Variants in EFNA1 observed in about 807,000 individuals in gnomAD.
EFNA1 encodes ephrin A1.
EFNA1 carries 8 observed loss-of-function variants against 23.2 expected under a neutral mutation model. The observed-to-expected ratio is 0.34, with a 90% CI of 0.20 to 0.62. EFNA1 has a LOEUF of 0.62. Among genes scored for constraint, EFNA1 ranks in the 20% least tolerant of loss-of-function variants. The pLI, the probability that EFNA1 is intolerant of heterozygous loss-of-function variation, is 0.75. For synonymous variants in EFNA1, 89 were observed against 98.6 expected, an observed-to-expected ratio of 0.90 and a Z score of 0.58; for missense variants, 217 against 260.0, an observed-to-expected ratio of 0.83 and a Z score of 1.14.
chr1:155,130,422 G>C (rs1446773336), intron 1 of EFNA1: 1 of 815,062 alleles, frequency 1.2e-6, no homozygotes, highest in Admixed American at 6.2e-5. Flanking sequence ...GGTGGGGCCA[G>C]GGGGAATGAA....
In EFNA1 at chr1:155,134,258, C is replaced by T. The variant is rs1374093001; in HGVS notation, c.*191C>T. On this transcript the variant is annotated 3_prime_UTR_variant, in exon 5 of 5. Transcript: ENST00000368407. ...TCAACCGGAAGGAGGCCAACCAGCC[C>T]GACAGTGCCATCCCCACCTTCACCT... The T allele has an allele frequency of 2.8e-5, 17 of 605,662 alleles. No individual in the cohort carries two copies. The highest frequency in any genetic ancestry group is 4.1e-5 in the Non-Finnish European group (14 of 339,654). The allele number at this position is 605,662 out of a possible 1,614,324, so 37.5% of individuals were successfully genotyped here.
At chr1:155,130,585 G>A (rs1664219067) in intron 1 of EFNA1, 2 of 985,358 alleles carry the variant, frequency 2.0e-6, no homozygotes, top group Non-Finnish European at 2.4e-6. Flanking sequence ...TGGAAGTGTG[G>A]CTTTTAGAGA....
At chr1:155,130,819 ATG>A (rs1664225775) in intron 1 of EFNA1, 1 of 985,292 alleles carries the variant, frequency 1.0e-6, no homozygotes, top group Non-Finnish European at 1.2e-6. Context: ...GTCCGGGGAA[ATG>A]TGAGAGGAGT....
intron 4 of EFNA1, 66 bp downstream of exon 4, chr1:155,133,846 G>A (rs1664303869): frequency 6.2e-7 from 1 of 1,608,586 alleles, no homozygotes; most frequent in African/African-American, 1.3e-5. Context: ...GTTGGGTACA[G>A]GAGGTGGCTC....
Position 155,131,207 on chromosome 1 carries a change from G to A in EFNA1, c.93-132G>A, listed in dbSNP as rs952085493. 9 of 1,373,744 alleles carry A rather than the reference G, an allele frequency of 6.6e-6. No individual in the cohort carries two copies. The African/African-American group carries it at 1.3e-4, about 20-fold the overall frequency. The allele number at this position is 1,373,744 out of a possible 1,614,324, so 85.1% of individuals were successfully genotyped here. On this transcript the variant is annotated intron_variant, in intron 1 of 4. Coordinates refer to ENST00000368407, the MANE Select transcript of EFNA1 (RefSeq NM_004428.3). Reference sequence around the variant, plus strand: ...AGACATCAAGATCAGTACATATTGGGAGTTGAAACTTCGGAAAAATCTCTT... The same window carrying A: ...AGACATCAAGATCAGTACATATTGGAAGTTGAAACTTCGGAAAAATCTCTT...
Position 155,130,747 on chromosome 1 carries a change from G to A in EFNA1, c.93-592G>A, listed in dbSNP as rs77473027. On this transcript the variant is annotated intron_variant, in intron 1 of 4. Coordinates refer to ENST00000368407, the MANE Select transcript of EFNA1 (RefSeq NM_004428.3). ...GGACTGGGGCATTATCTGTGGGCCC[G>A]GGTATACTAGCTTCACTTTTGAGGA... 1.9e-4 allele frequency: 184 copies of A among 985,320 alleles called. No homozygotes were observed. The African/African-American group carries it at 2.0e-3, about 10-fold the overall frequency. The allele number at this position is 985,320 out of a possible 1,614,324, so 61.0% of individuals were successfully genotyped here. A position where few individuals can be genotyped will look rare whatever the true frequency, so the allele number is the denominator to read the frequency against.
At position 155,128,007 on chromosome 1, in the gene EFNA1, T is replaced by TCTGTGCTGCAGTCTGGCCG. The variant is rs770149963; in HGVS notation, c.34_52dup (p.Ala18ValfsTer8). ...AGTTCCTCTGGGCCCCTCTCTTGGG[T>TCTGTGCTGCAGTCTGGCCG]CTGTGCTGCAGTCTGGCCGCTGCTG... is the stretch of plus-strand genomic sequence containing the variant. On this transcript the variant is annotated frameshift_variant, in exon 1 of 5. Coordinates refer to ENST00000368407, the MANE Select transcript of EFNA1 (RefSeq NM_004428.3). LOFTEE classifies it high-confidence loss of function. 2 of 1,613,516 alleles carry TCTGTGCTGCAGTCTGGCCG rather than the reference T, an allele frequency of 1.2e-6. No homozygotes were observed. The highest frequency in any genetic ancestry group is 1.7e-6 in the Non-Finnish European group (2 of 1,179,958).
chr1:155,129,311 G>A (rs1032471237), intron 1 of EFNA1, among the ~76,000 whole-genome samples: 1 of 152,110 alleles, frequency 6.6e-6, no homozygotes, highest in African/African-American at 2.4e-5. Context: ...GAAGCCATGA[G>A]TAGGGAGGGG....
At chr1:155,131,233 G>A in intron 1 of EFNA1, 106 bp from the exon 2 acceptor site, 1 of 1,441,746 alleles carries the variant, frequency 6.9e-7, no homozygotes, top group South Asian at 1.3e-5. Context: ...AAAATCTCTT[G>A]GGGTCCAGTG....
intron 1 of EFNA1, chr1:155,130,441 G>A: frequency 1.1e-6 from 1 of 914,638 alleles, no homozygotes; most frequent in Non-Finnish European, 1.3e-6. Context: ...AACTAGGGGA[G>A]GGGTGCTGGC....
chr1:155,130,308 C>A (rs559709017), intron 1 of EFNA1, among the ~76,000 whole-genome samples: 1 of 152,140 alleles, frequency 6.6e-6, no homozygotes, highest in Non-Finnish European at 1.5e-5. Flanking sequence ...GACCAGCTTG[C>A]GGGGTCGGGG....
At position 155,131,483 on chromosome 1, in the gene EFNA1, G is replaced by T. The variant is rs1173542364; in HGVS notation, c.237G>T (p.Leu79=). 1 of 1,613,646 alleles carries T rather than the reference G, an allele frequency of 6.2e-7. No homozygotes were observed. The highest frequency in any genetic ancestry group is 1.3e-5 in the African/African-American group (1 of 74,926). ...LYLVEHEEYQ[L]CQPQSKDQVR... ...TGGTGGAGCATGAGGAGTACCAGCT[G>T]TGCCAGCCCCAGTCCAAGGACCAAG... The change falls in exon 2 of 5, where the codon CTG becomes CTT. Residue 79 remains leucine (L), a synonymous_variant. Transcript: ENST00000368407.
intron 1 of EFNA1, chr1:155,131,062 T>C: frequency 8.0e-7 from 1 of 1,252,112 alleles, no homozygotes; most frequent in Non-Finnish European, 1.0e-6. Flanking sequence ...CAGGTAAGTA[T>C]CAGGGGGGTT....
Position 155,131,401 on chromosome 1 carries a change from C to T in EFNA1, c.155C>T (p.Pro52Leu), listed in dbSNP as rs1285652444. The change falls in exon 2 of 5, where the codon CCG (proline) becomes CTG (leucine). Residue 52 changes from proline (P) to leucine (L), a missense_variant. Transcript: ENST00000368407. ...AATGACTACGTGGACATCATCTGTC[C>T]GCACTATGAAGATCACTCTGTGGCA... Reference protein sequence around the residue: ...QLNDYVDIICPHYEDHSVADA... With the variant: ...QLNDYVDIICLHYEDHSVADA... 3.1e-6 allele frequency: 5 copies of T among 1,614,116 alleles called. No individual in the cohort carries two copies. Among genetic ancestry groups the T allele is most frequent in the African/African-American group, 1.3e-5 (1 of 75,018 alleles).
intron 1 of EFNA1, chr1:155,130,530 T>C (rs1664217899): frequency 2.0e-6 from 2 of 983,964 alleles, no homozygotes; most frequent in Non-Finnish European, 2.4e-6. Flanking sequence ...GGAGAGGCTG[T>C]CTCAAGCTCA....
rs575134804 is a variant in EFNA1, at chr1:155,134,867, C to G, written c.*800C>G. The G allele has an allele frequency of 6.5e-6, 1 of 153,214 alleles. No homozygotes were observed. Among genetic ancestry groups the G allele is most frequent in the Non-Finnish European group, 1.5e-5 (1 of 68,684 alleles). 9.5% of individuals were successfully genotyped at this position (153,214 alleles called of 1,614,324 possible). On this transcript the variant is annotated 3_prime_UTR_variant, in exon 5 of 5. Coordinates refer to ENST00000368407, the MANE Select transcript of EFNA1 (RefSeq NM_004428.3). ...AATGTGTTTTTTCGGACATGCTTTTCTGCCACTCCATATTAAAACATATGA... is the reference window on the plus strand; with the variant it reads ...AATGTGTTTTTTCGGACATGCTTTTGTGCCACTCCATATTAAAACATATGA...
intron 2 of EFNA1, among the ~76,000 whole-genome samples, chr1:155,132,161 G>C (rs1664251192): frequency 6.6e-6 from 1 of 152,182 alleles, no homozygotes; most frequent in South Asian, 2.1e-4. Flanking sequence ...GGACAGAACA[G>C]ACCATGGGGG....
At position 155,131,465 on chromosome 1, in the gene EFNA1, G is replaced by A. The variant is rs965223153; in HGVS notation, c.219G>A (p.Glu73=). The A allele has an allele frequency of 6.2e-7, 1 of 1,613,880 alleles. No individual in the cohort carries two copies. The highest frequency in any genetic ancestry group is 1.3e-5 in the African/African-American group (1 of 74,922). ...AMEQYILYLV[E]HEEYQLCQPQ... ...AGCAGTACATACTGTACCTGGTGGA[G>A]CATGAGGAGTACCAGCTGTGCCAGC... The change falls in exon 2 of 5, where the codon GAG becomes GAA. Residue 73 remains glutamate (E), a synonymous_variant. Coordinates refer to ENST00000368407, the MANE Select transcript of EFNA1 (RefSeq NM_004428.3).
intron 1 of EFNA1, among the ~76,000 whole-genome samples, chr1:155,128,731 A>G (rs564796382): frequency 6.6e-6 from 1 of 152,214 alleles, no homozygotes. Flanking sequence ...GGAAAGCTTC[A>G]GAATGAACAG....
Sources: gnomAD v4.1 joint callset for allele counts (sites outside exome capture counted in the v4.1 genomes callset) on GRCh38, gnomAD v4.1.1 for gene constraint, MANE v1.5 for transcripts, NCBI Gene and HGNC (gene_info 2026-07-23, HGNC 2026-07-21) for gene names.